MX1: variants seen among roughly 807,000 people sequenced by gnomAD.
The protein encoded by MX1 is interferon-induced GTP-binding protein Mx1.
Under a neutral mutation model 66.4 loss-of-function variants are expected in MX1, and 66 were observed. The observed-to-expected ratio is 0.99, with a 90% CI of 0.82 to 1.22. The LOEUF (loss-of-function observed/expected upper bound fraction) is 1.22, where lower values mean the gene tolerates loss of function less well. MX1 is among the 50% of genes most tolerant of loss of function. The pLI is 0.00. For missense variants in MX1, 787 were observed against 834.3 expected (o/e 0.94, Z 0.70); for synonymous variants, 311 against 318.1 (o/e 0.98, Z 0.24).
At position 41,449,210 on chromosome 21, in the gene MX1, GA is replaced by G; in HGVS notation, c.1349del (p.Asn450IlefsTer9). Reference protein sequence around the residue: ...YRGRELPGFVNYRTFETIVKQ... With the variant: ...YRGRELPGFVXYRTFETIVKQ... ...GTGGTAGAGAGCTGCCAGGCTTTGT[GA>G]ATTACAGGACATTTGAGACAATCGT... On this transcript the variant is annotated frameshift_variant, in exon 14 of 17. Transcript: ENST00000398598. LOFTEE classifies it high-confidence loss of function. 6.2e-7 allele frequency: 1 copy of G among 1,614,012 alleles called. No individual in the cohort carries two copies. The highest frequency in any genetic ancestry group is 8.5e-7 in the Non-Finnish European group (1 of 1,180,008).
At chr21:41,429,585 A>G (rs1348175176) in intron 3 of MX1, 3 of 152,148 alleles carry the variant, frequency 2.0e-5, no homozygotes, top group Non-Finnish European at 2.9e-5. Flanking sequence ...TGGGAGTTTT[A>G]GGGAATAAAT....
Position 41,458,969 on chromosome 21 carries a change from G to T in MX1, c.*211G>T. 1 of 852,364 alleles carries T rather than the reference G, an allele frequency of 1.2e-6. No individual in the cohort carries two copies. The highest frequency in any genetic ancestry group is 1.7e-6 in the Non-Finnish European group (1 of 573,052). 52.8% of individuals were successfully genotyped at this position (852,364 alleles called of 1,614,324 possible). A position where few individuals can be genotyped will look rare whatever the true frequency, so the allele number is the denominator to read the frequency against. ...CCCACCCTCAGATGCACATGAGCTG[G>T]CGGGATTGAAGGATGCTGTCTTCGT... is the stretch of plus-strand genomic sequence containing the variant. On this transcript the variant is annotated 3_prime_UTR_variant, in exon 17 of 17. Coordinates refer to ENST00000398598, the MANE Select transcript of MX1 (RefSeq NM_002462.5).
At position 41,445,989 on chromosome 21, in the gene MX1, C is replaced by A. The variant is rs1458931556; in HGVS notation, c.1132-11C>A. 2 of 1,613,224 alleles carry A rather than the reference C, an allele frequency of 1.2e-6. No individual in the cohort carries two copies. The highest frequency in any genetic ancestry group is 1.7e-6 in the Non-Finnish European group (2 of 1,179,352). The stretch of plus-strand genomic sequence containing the variant: ...TCTATCCACTTATACTGATGTTTTT[C>A]TTCTTGACAGAAAGTTAATGCCTTT... On this transcript the variant is annotated splice_polypyrimidine_tract_variant and intron_variant, in intron 12 of 16. Transcript: ENST00000398598.
chr21:41,450,971 G>T, intron 14 of MX1, 196 bp from the exon 15 acceptor site: 1 of 384,370 alleles, frequency 2.6e-6, no homozygotes, highest in Non-Finnish European at 4.7e-6. Context: ...TATGCCAGGG[G>T]TCATTTGCTT....
chr21:41,458,709 T>G lies in MX1; in HGVS notation c.1940T>G (p.Leu647Arg), dbSNP rs2091015036. The G allele has an allele frequency of 6.2e-7, 1 of 1,614,072 alleles. No homozygotes were observed. The highest frequency in any genetic ancestry group is 1.7e-5 in the Admixed American group (1 of 60,028). Reference protein sequence around the residue: ...SDKRKFLKERLARLTQARRRL... With the variant: ...SDKRKFLKERRARLTQARRRL... ...AAGCGGAAGTTCCTGAAGGAGCGGC[T>G]TGCACGGCTGACGCAGGCTCGGCGC... Residue 647 changes from leucine (L) to arginine (R), a missense_variant, in exon 17 of 17, where the codon CTT (leucine) becomes CGT (arginine). Transcript: ENST00000398598.
chr21:41,439,637 T>G, intron 7 of MX1, 57 bp from the exon 8 acceptor site: 2,555 of 1,512,890 alleles, frequency 1.7e-3, no homozygotes, highest in Non-Finnish European at 2.1e-3. Flanking sequence ...TTCACCATCA[T>G]GAGATCCGTT....
At chr21:41,443,490 T>C (rs1316911819) in intron 10 of MX1, 1 of 380,094 alleles carries the variant, frequency 2.6e-6, no homozygotes, top group Non-Finnish European at 4.9e-6. Context: ...TAAAAACATA[T>C]CTATACATGT....
At chr21:41,421,663 C>G (rs938207607), upstream of MX1, among the ~76,000 whole-genome samples, 1 of 152,196 alleles carries the variant, frequency 6.6e-6, no homozygotes, top group Non-Finnish European at 1.5e-5. Flanking sequence ...CCATTTAACC[C>G]TGAGTGGACA....
chr21:41,439,338 T>A (rs996369702), intron 7 of MX1, among the ~76,000 whole-genome samples: 2 of 152,190 alleles, frequency 1.3e-5, no homozygotes. Flanking sequence ...TATATTTTTA[T>A]TTGTTTTTAT....
upstream of MX1, among the ~76,000 whole-genome samples, chr21:41,425,299 C>T (rs1048832094): frequency 6.6e-6 from 1 of 152,006 alleles, no homozygotes; most frequent in Non-Finnish European, 1.5e-5. Flanking sequence ...AAATTACAGT[C>T]AAAGGGGGTT....
intron 7 of MX1, among the ~76,000 whole-genome samples, chr21:41,438,579 G>A (rs950921673): frequency 1.3e-5 from 2 of 152,326 alleles, no homozygotes; most frequent in East Asian, 1.9e-4. Flanking sequence ...CTCTCCTGAC[G>A]TGGCACTGTG....
At chr21:41,458,442 G>A in intron 16 of MX1, 86 bp from the exon 17 acceptor site, 1 of 1,169,680 alleles carries the variant, frequency 8.5e-7, no homozygotes. Flanking sequence ...TGAGAATCTG[G>A]ATCCCCTCAT....
chr21:41,429,201 G>A (rs458255), intron 3 of MX1: 42,030 of 152,186 alleles, frequency 0.28, 6,768 homozygotes, highest in East Asian at 0.58. Context: ...CCATGGAGGA[G>A]TAAGAAACCG....
intron 14 of MX1, chr21:41,450,921 G>A (rs2090805734): frequency 4.7e-6 from 1 of 212,430 alleles, no homozygotes; most frequent in African/African-American, 2.3e-5. Flanking sequence ...TACATTCTTT[G>A]CAGCTATTTA....
intron 16 of MX1, among the ~76,000 whole-genome samples, chr21:41,456,250 A>C (rs1431087621): frequency 6.6e-6 from 1 of 152,180 alleles, no homozygotes; most frequent in Non-Finnish European, 1.5e-5. Context: ...TCTCAAAACA[A>C]ACAAACAAAC....
rs371906475 is a variant in MX1, at chr21:41,443,768, G to T, written c.930-20G>T. 2 of 1,613,254 alleles carry T rather than the reference G, an allele frequency of 1.2e-6. No homozygotes were observed. The highest frequency in any genetic ancestry group is 1.1e-5 in the South Asian group (1 of 91,070). ...TTCTGGCTACATCAAGGTGGAAATCGGTCCTGTGTTCTCTTCTAGGGATCT... is the reference window on the plus strand; with the variant it reads ...TTCTGGCTACATCAAGGTGGAAATCTGTCCTGTGTTCTCTTCTAGGGATCT... On this transcript the variant is annotated intron_variant, in intron 10 of 16. Transcript: ENST00000398598.
chr21:41,439,013 C>G (rs1238778877), intron 7 of MX1, among the ~76,000 whole-genome samples: 2 of 152,078 alleles, frequency 1.3e-5, no homozygotes, highest in African/African-American at 4.8e-5. Flanking sequence ...TCACATGGCC[C>G]ATTGGCCAGA....
intron 15 of MX1, among the ~76,000 whole-genome samples, chr21:41,452,179 T>C (rs1475623960): frequency 2.0e-5 from 3 of 152,174 alleles, no homozygotes; most frequent in Non-Finnish European, 2.9e-5. Context: ...GTGAAGTTTC[T>C]CCTCCTCAGG....
intron 16 of MX1, among the ~76,000 whole-genome samples, chr21:41,453,373 G>A (rs1377795224): frequency 2.0e-5 from 3 of 152,202 alleles, no homozygotes; most frequent in South Asian, 2.1e-4. Context: ...TATCGCCTTC[G>A]TAGAAGCAGC....
Sources: gnomAD v4.1 joint callset for allele counts (sites outside exome capture counted in the v4.1 genomes callset) on GRCh38, gnomAD v4.1.1 for gene constraint, MANE v1.5 for transcripts, NCBI Gene and HGNC (gene_info 2026-07-23, HGNC 2026-07-21) for gene names.